The following PAH variants were observed in gnomAD, a reference collection of about 807,000 sequenced individuals.
PAH encodes the protein phenylalanine hydroxylase.
In PAH, 64 loss-of-function variants were observed where a neutral mutation model predicts 62.0. The ratio of observed to expected loss-of-function variants is 1.03; its 90% CI spans 0.84 to 1.27. The LOEUF is 1.27. PAH is among the 50% of genes most tolerant of loss of function. PAH has a pLI of 0.00. For missense variants in PAH, 579 were observed against 542.8 expected, an observed-to-expected ratio of 1.07 and a Z score of -0.66; for synonymous variants, 195 against 196.2, an observed-to-expected ratio of 0.99 and a Z score of 0.05.
At chr12:102,931,839 A>G (rs1039175830) in intron 1 of PAH, among the ~76,000 whole-genome samples, 1 of 152,182 alleles carries the variant, frequency 6.6e-6, no homozygotes, top group Non-Finnish European at 1.5e-5. Context: ...TTGTTGGTAC[A>G]TAGTAGGTAT....
chr12:102,920,872 T>C (rs1309513130), upstream of PAH, among the ~76,000 whole-genome samples: 2 of 151,914 alleles, frequency 1.3e-5, no homozygotes, highest in Non-Finnish European at 2.9e-5. Flanking sequence ...CTTTTCTAAA[T>C]GGTTCAGAAT....
chr12:102,895,612 C>T (rs138581748), intron 2 of PAH, among the ~76,000 whole-genome samples: 1,789 of 151,960 alleles, frequency 0.012, 29 homozygotes, highest in African/African-American at 0.041. Flanking sequence ...TTTGAGGGGC[C>T]GAGGTGGGCA....
chr12:102,956,298 T>G (rs111605790), intron 1 of PAH, among the ~76,000 whole-genome samples: 2 of 152,218 alleles, frequency 1.3e-5, no homozygotes, highest in Non-Finnish European at 2.9e-5. Context: ...GCCTATTGCT[T>G]GGTCTGCTTT....
chr12:102,903,326 A>G (rs906985494), intron 2 of PAH, among the ~76,000 whole-genome samples: 34 of 151,514 alleles, frequency 2.2e-4, no homozygotes, highest in African/African-American at 8.3e-4. Context: ...GTACCAATGC[A>G]CTGTAGCCTG....
intron 9 of PAH, among the ~76,000 whole-genome samples, chr12:102,844,637 C>A (rs1391222898): frequency 6.6e-6 from 1 of 152,274 alleles, no homozygotes; most frequent in South Asian, 2.1e-4. Context: ...GGGAACCACC[C>A]AATGGGCTGG....
intron 1 of PAH, among the ~76,000 whole-genome samples, chr12:102,949,648 G>T (rs1013189077): frequency 1.3e-5 from 2 of 152,188 alleles, no homozygotes; most frequent in Non-Finnish European, 2.9e-5. Context: ...GTCTGCTCAT[G>T]AATTGTTATA....
intron 1 of PAH, among the ~76,000 whole-genome samples, chr12:102,937,733 C>T (rs766680618): frequency 2.3e-4 from 35 of 152,048 alleles, no homozygotes; most frequent in Non-Finnish European, 7.4e-5. Context: ...TATTATATTA[C>T]ATTTTTCTCT....
intron 9 of PAH, 73 bp from the exon 10 acceptor site, chr12:102,844,504 G>C: frequency 1.0e-6 from 1 of 970,802 alleles, no homozygotes; most frequent in Non-Finnish European, 1.7e-6. Context: ...CTGGATGAAG[G>C]GATACCTGAA....
chr12:102,926,431 G>C (rs141446016), intron 1 of PAH, among the ~76,000 whole-genome samples: 9 of 152,074 alleles, frequency 5.9e-5, no homozygotes, highest in Non-Finnish European at 1.2e-4. Context: ...CGGGTAAAGA[G>C]AGTGAAAAGG....
intron 4 of PAH, among the ~76,000 whole-genome samples, chr12:102,873,019 A>C (rs1876417426): frequency 6.6e-6 from 1 of 152,182 alleles, no homozygotes. Flanking sequence ...AAATATCCAC[A>C]GAAGGACAGT....
At chr12:102,935,904 A>AT (rs958969217) in intron 1 of PAH, among the ~76,000 whole-genome samples, 2 of 142,906 alleles carry the variant, frequency 1.4e-5, no homozygotes, top group Admixed American at 6.9e-5. Flanking sequence ...TCTGATCTTT[A>AT]TTTTTTTTTC....
At chr12:102,902,878 A>C (rs1877817374) in intron 2 of PAH, among the ~76,000 whole-genome samples, 1 of 152,028 alleles carries the variant, frequency 6.6e-6, no homozygotes, top group Non-Finnish European at 1.5e-5. Context: ...CTCCCACTTC[A>C]TGAGATTATT....
intron 1 of PAH, among the ~76,000 whole-genome samples, chr12:102,941,653 A>T (rs1257390049): frequency 6.6e-6 from 1 of 152,138 alleles, no homozygotes; most frequent in Non-Finnish European, 1.5e-5. Context: ...ACCCAGATTC[A>T]TAAATTCTTA....
chr12:102,899,864 A>G, intron 2 of PAH, among the ~76,000 whole-genome samples: 1 of 130,544 alleles, frequency 7.7e-6, no homozygotes, highest in Non-Finnish European at 1.5e-5. Context: ...GTCTCAAAAA[A>G]AAAAAAAAAA....
intron 9 of PAH, among the ~76,000 whole-genome samples, chr12:102,845,758 A>G (rs1223847998): frequency 6.6e-6 from 1 of 152,190 alleles, no homozygotes; most frequent in Non-Finnish European, 1.5e-5. Context: ...AGGAGTCTTC[A>G]GCCCAGGAAG....
chr12:102,851,962 G>C, intron 7 of PAH: 1 of 565,034 alleles, frequency 1.8e-6, no homozygotes, highest in Non-Finnish European at 3.2e-6. Flanking sequence ...GGAAAAATAA[G>C]AGACAGGTGC....
intron 1 of PAH, chr12:102,916,589 C>T: frequency 5.0e-6 from 1 of 201,210 alleles, no homozygotes; most frequent in South Asian, 9.0e-5. Context: ...GAATTCTCTT[C>T]ATGCCTCATC....
intron 1 of PAH, among the ~76,000 whole-genome samples, chr12:102,934,436 A>ATT (rs33968275): frequency 5.2e-4 from 79 of 151,956 alleles, no homozygotes; most frequent in African/African-American, 1.7e-3. Context: ...AAATTTTAGG[A>ATT]TTTTTTTTCT....
At chr12:102,934,296 A>G (rs1207250575) in intron 1 of PAH, among the ~76,000 whole-genome samples, 3 of 152,058 alleles carry the variant, frequency 2.0e-5, no homozygotes, top group African/African-American at 7.2e-5. Flanking sequence ...GTCTGTGTTT[A>G]TGCCAGTACT....
Sources: allele counts gnomAD v4.1 joint callset (sites outside exome capture counted in the v4.1 genomes callset), GRCh38; gene constraint gnomAD v4.1.1; transcripts MANE v1.5; gene names NCBI Gene and HGNC (gene_info 2026-07-23, HGNC 2026-07-21).